The following ATP13A3 variants were observed in gnomAD, a reference collection of about 807,000 sequenced individuals.
The protein encoded by ATP13A3 is polyamine-transporting ATPase 13A3.
In ATP13A3, 59 loss-of-function variants were observed where a neutral mutation model predicts 158.1. The ratio of observed to expected loss-of-function variants is 0.37; its 90% confidence interval spans 0.30 to 0.46. The LOEUF (loss-of-function observed/expected upper bound fraction) is 0.46. Among genes scored for constraint, ATP13A3 ranks in the 20% least tolerant of loss-of-function variants. The pLI, the probability that ATP13A3 is intolerant of heterozygous loss-of-function variation, is 1.00. For synonymous variants in ATP13A3, 491 were observed against 504.3 expected, an observed-to-expected ratio of 0.97 and a Z score of 0.35; for missense variants, 1,166 against 1,525.2, an observed-to-expected ratio of 0.76 and a Z score of 3.92.
intron 7 of ATP13A3, 128 bp from the exon 8 acceptor site, chr3:194,456,090 A>G (rs1188074100): frequency 7.6e-6 from 4 of 525,684 alleles, no homozygotes; most frequent in Admixed American, 3.9e-5. Context: ...CCTGTCTTCT[A>G]TAATTCAAAC....
At position 194,412,214 on chromosome 3, in the gene ATP13A3, G is replaced by C. The variant is rs945995966; in HGVS notation, c.3558C>G (p.Thr1186=). The change falls in exon 33 of 34, where the codon ACC becomes ACG. Residue 1186 remains threonine (T), a synonymous_variant. Coordinates refer to ENST00000645319, the MANE Select transcript of ATP13A3 (RefSeq NM_001367549.1). ...GAGTTCCAACCTGCGGTGGCTGTGT[G>C]GTGCTGAACCGATACTCTCCTTGTT... ...RDKQGEYRFS[T]TQPPQESVDR... 1 of 1,536,224 alleles carries C rather than the reference G, an allele frequency of 6.5e-7. No individual in the cohort carries two copies. Among genetic ancestry groups the C allele is most frequent in the South Asian group, 1.2e-5 (1 of 84,050 alleles).
intron 2 of ATP13A3, among the ~76,000 whole-genome samples, chr3:194,463,201 A>G (rs936391905): frequency 6.6e-6 from 1 of 152,170 alleles, no homozygotes; most frequent in African/African-American, 2.4e-5. Flanking sequence ...TTCGATTCCA[A>G]GTCCACTGGG....
chr3:194,429,786 A>G lies in ATP13A3; in HGVS notation c.2778-12T>C, dbSNP rs1717084205. ...CAGCACGGCCTTCCCTGTGAAAAGA[A>G]ATCAAATGTCGGCATATGAATAGAA... On this transcript the variant is annotated splice_polypyrimidine_tract_variant and intron_variant, in intron 26 of 33. Coordinates refer to ENST00000645319, the MANE Select transcript of ATP13A3 (RefSeq NM_001367549.1). 1 of 1,607,962 alleles carries G rather than the reference A, an allele frequency of 6.2e-7. No homozygotes were observed. The highest frequency in any genetic ancestry group is 1.3e-5 in the African/African-American group (1 of 74,706).
chr3:194,433,766 T>C lies in ATP13A3; in HGVS notation c.2245+6A>G. Reference sequence around the variant, plus strand: ...TTTGCTTCTGTGTTCTTTTATAAAGTCTAACCTGTGACCATGACGGTGCGA... The same window carrying C: ...TTTGCTTCTGTGTTCTTTTATAAAGCCTAACCTGTGACCATGACGGTGCGA... On this transcript the variant is annotated splice_donor_region_variant and intron_variant, in intron 21 of 33. Transcript: ENST00000645319. 6.2e-7 allele frequency: 1 copy of C among 1,613,982 alleles called. No individual in the cohort carries two copies. Among genetic ancestry groups the C allele is most frequent in the Non-Finnish European group, 8.5e-7 (1 of 1,179,946 alleles).
chr3:194,453,566 T>G, intron 10 of ATP13A3, 140 bp downstream of exon 10: 1 of 678,976 alleles, frequency 1.5e-6, no homozygotes, highest in Non-Finnish European at 2.4e-6. Flanking sequence ...GCCTTTGCAC[T>G]CCAGCCTAAG....
chr3:194,462,577 A>T (rs2017158), intron 2 of ATP13A3, among the ~76,000 whole-genome samples: 6,675 of 152,162 alleles, frequency 0.044, 365 homozygotes, highest in African/African-American at 0.13. Context: ...ATCCCTCCCC[A>T]CCCGTAACTG....
rs751818772 is a variant in ATP13A3 at position 194,437,553 on chromosome 3, T to TA, written c.1845+2dup. 95 of 1,609,754 alleles carry TA rather than the reference T, an allele frequency of 5.9e-5. No individual in the cohort carries two copies. Among genetic ancestry groups the TA allele is most frequent in the Non-Finnish European group, 7.9e-5 (93 of 1,177,590 alleles). On this transcript the variant is annotated splice_region_variant and intron_variant, in intron 18 of 33. Coordinates refer to ENST00000645319, the MANE Select transcript of ATP13A3 (RefSeq NM_001367549.1). ...TAGTAAGAAGTAAACATTCTTCACT[T>TA]ACTGGAAGTTCAAACAGCTCCTAAA...
intron 31 of ATP13A3, among the ~76,000 whole-genome samples, chr3:194,417,228 C>T (rs1299383690): frequency 6.6e-6 from 1 of 152,082 alleles, no homozygotes; most frequent in Non-Finnish European, 1.5e-5. Context: ...CAAGACAAGC[C>T]TGGCCAACAT....
intron 4 of ATP13A3, 32 bp downstream of exon 4, chr3:194,460,626 A>T (rs1719583737): frequency 6.2e-7 from 1 of 1,602,636 alleles, no homozygotes; most frequent in Non-Finnish European, 8.5e-7. Flanking sequence ...TACTCCTTAA[A>T]TAATCAGCTA....
In ATP13A3 at chr3:194,405,728, GTTAAT is replaced by G. The variant is rs529796953; in HGVS notation, c.*186_*190del. The G allele has an allele frequency of 2.4e-4, 141 of 596,328 alleles. No homozygotes were observed. Among genetic ancestry groups the G allele is most frequent in the African/African-American group, 2.1e-3 (114 of 53,838 alleles). 36.9% of individuals were successfully genotyped at this position (596,328 alleles called of 1,614,324 possible). A position where few individuals can be genotyped will look rare whatever the true frequency, so the allele number is the denominator to read the frequency against. ...AGATATAGGACTTTATGGATTGATTGTTAATTTAACTGTTAGGACGATATATTTTT... is the reference window on the plus strand; with the variant it reads ...AGATATAGGACTTTATGGATTGATTGTTAACTGTTAGGACGATATATTTTT... On this transcript the variant is annotated 3_prime_UTR_variant, in exon 34 of 34. Coordinates refer to ENST00000645319, the MANE Select transcript of ATP13A3 (RefSeq NM_001367549.1).
At chr3:194,452,653 A>G (rs987905933) in intron 10 of ATP13A3, 5 of 151,994 alleles carry the variant, frequency 3.3e-5, no homozygotes, top group Non-Finnish European at 7.4e-5. Context: ...TGTCCACACA[A>G]TCTCTAATTT....
rs765408135 is a variant in ATP13A3 at position 194,454,388 on chromosome 3, AG to A, written c.634del (p.Leu212SerfsTer25). The A allele has an allele frequency of 6.2e-7, 1 of 1,609,770 alleles. No homozygotes were observed. The highest frequency in any genetic ancestry group is 1.7e-5 in the Admixed American group (1 of 59,488). On this transcript the variant is annotated frameshift_variant, in exon 9 of 34. Coordinates refer to ENST00000645319, the MANE Select transcript of ATP13A3 (RefSeq NM_001367549.1). LOFTEE classifies it high-confidence loss of function. ...CAGCTGGAAAATGTAAAATGGGTTG[AG>A]AACCTAAAAAACAAGATTTTAAAGT... The part of the protein sequence containing the change: ...SVFKLLIKEV[L>X]NPFYIFQLFS...
upstream of ATP13A3, among the ~76,000 whole-genome samples, chr3:194,490,384 C>T (rs1721133617): frequency 6.6e-6 from 1 of 152,210 alleles, no homozygotes; most frequent in Non-Finnish European, 1.5e-5. The surrounding 1 kb of genome is among the most constrained non-coding windows in gnomAD (Gnocchi z 4.4). Context: ...ACTTTGCAGG[C>T]CTTATCTTTC....
At chr3:194,454,844 G>C (rs1262644502) in intron 8 of ATP13A3, among the ~76,000 whole-genome samples, 1 of 151,150 alleles carries the variant, frequency 6.6e-6, no homozygotes, top group African/African-American at 2.4e-5. Context: ...AAAAAAGGTA[G>C]GGCAATATGC....
chr3:194,420,992 G>A (rs764624239), intron 30 of ATP13A3, among the ~76,000 whole-genome samples: 24 of 147,892 alleles, frequency 1.6e-4, no homozygotes, highest in Non-Finnish European at 2.7e-4. Context: ...ATTTTTAAAC[G>A]TGGATGTTAT....
chr3:194,471,124 G>A (rs74711601), intron 2 of ATP13A3, among the ~76,000 whole-genome samples: 1,525 of 152,028 alleles, frequency 0.01, 22 homozygotes, highest in African/African-American at 0.035. Flanking sequence ...AAACTTGTAG[G>A]AACCTTTGAA....
chr3:194,431,975 A>G, intron 21 of ATP13A3, 83 bp from the exon 22 acceptor site: 1 of 1,158,580 alleles, frequency 8.6e-7, no homozygotes. Flanking sequence ...AGAATCTACT[A>G]CAGTCTCCAT....
chr3:194,462,090 G>A (rs752165870), intron 3 of ATP13A3, 50 bp downstream of exon 3: 2 of 1,562,116 alleles, frequency 1.3e-6, no homozygotes, highest in Non-Finnish European at 1.8e-6. Context: ...ATAATAAATT[G>A]CAGAGATAAA....
At chr3:194,415,959 A>G (rs955147459) in intron 31 of ATP13A3, among the ~76,000 whole-genome samples, 1 of 152,346 alleles carries the variant, frequency 6.6e-6, no homozygotes, top group African/African-American at 2.4e-5. Flanking sequence ...AGAAAAGAAA[A>G]TTAAATCTGA....
Sources: allele counts gnomAD v4.1 joint callset (sites outside exome capture counted in the v4.1 genomes callset), GRCh38; gene constraint gnomAD v4.1.1; non-coding constraint Gnocchi (gnomAD v3.1); transcripts MANE v1.5; gene names NCBI Gene and HGNC (gene_info 2026-07-23, HGNC 2026-07-21).